The following NRXN1 variants were observed in gnomAD, a reference collection of about 807,000 sequenced individuals.
The protein encoded by NRXN1 is neurexin 1.
In NRXN1, 39 loss-of-function variants were observed where a neutral mutation model predicts 150.9. The observed-to-expected ratio is 0.26, with a 90% confidence interval of 0.20 to 0.34. NRXN1 has a LOEUF of 0.34. Ranked by LOEUF, NRXN1 falls within the 10% of genes least tolerant of loss-of-function variation. The pLI is 1.00. For missense variants in NRXN1, 1,815 were observed against 1,949.9 expected (o/e 0.93, Z 1.30); for synonymous variants, 924 against 757.0 (o/e 1.22, Z -3.62).
At chr2:50,711,184 A>C (rs1012057711) in intron 5 of NRXN1, among the ~76,000 whole-genome samples, 1 of 152,138 alleles carries the variant, frequency 6.6e-6, no homozygotes, top group Non-Finnish European at 1.5e-5. Flanking sequence ...AGTGGCTGTC[A>C]GTTTTGGTAA....
At chr2:50,313,604 A>G (rs1200343377) in intron 17 of NRXN1, among the ~76,000 whole-genome samples, 1 of 152,116 alleles carries the variant, frequency 6.6e-6, no homozygotes, top group Non-Finnish European at 1.5e-5. Context: ...ACAGGAACCG[A>G]AGACTTAAGC....
chr2:50,829,843 T>C (rs1290271953), intron 5 of NRXN1, among the ~76,000 whole-genome samples: 1 of 151,878 alleles, frequency 6.6e-6, no homozygotes, highest in Non-Finnish European at 1.5e-5. Context: ...TTTCACAGAT[T>C]ATTTTATTTT....
At chr2:50,371,614 T>G (rs912601484) in intron 17 of NRXN1, among the ~76,000 whole-genome samples, 3 of 151,938 alleles carry the variant, frequency 2.0e-5, no homozygotes, top group Admixed American at 6.6e-5. Context: ...ACGAATAAGT[T>G]TCAAGGGAAG....
At chr2:50,660,665 A>G (rs757172818) in intron 5 of NRXN1, among the ~76,000 whole-genome samples, 10 of 152,038 alleles carry the variant, frequency 6.6e-5, no homozygotes, top group Non-Finnish European at 1.2e-4. Flanking sequence ...CTGCTGGTTT[A>G]CAGCAATGTG....
intron 22 of NRXN1, among the ~76,000 whole-genome samples, chr2:49,923,472 T>C (rs767167703): frequency 7.9e-5 from 12 of 152,210 alleles, no homozygotes; most frequent in Non-Finnish European, 1.2e-4. Flanking sequence ...AATAATCTCA[T>C]GATTCCATAT....
chr2:50,998,436 T>G (rs1431989166), intron 2 of NRXN1, among the ~76,000 whole-genome samples: 1 of 152,066 alleles, frequency 6.6e-6, no homozygotes, highest in African/African-American at 2.4e-5. Flanking sequence ...TTAATGGAAG[T>G]GCCAAAATGA....
At chr2:50,047,465 T>G (rs1691992886) in intron 21 of NRXN1, among the ~76,000 whole-genome samples, 1 of 152,062 alleles carries the variant, frequency 6.6e-6, no homozygotes, top group Admixed American at 6.6e-5. Flanking sequence ...GCAGGTAAAG[T>G]ATATCTTGGT....
intron 17 of NRXN1, among the ~76,000 whole-genome samples, chr2:50,351,082 G>T (rs374764927): frequency 6.6e-6 from 1 of 152,212 alleles, no homozygotes; most frequent in Non-Finnish European, 1.5e-5. Context: ...AATAAAGCTT[G>T]TGTGTACCCA....
chr2:50,622,103 A>G (rs1680130862), intron 6 of NRXN1, among the ~76,000 whole-genome samples: 1 of 152,162 alleles, frequency 6.6e-6, no homozygotes, highest in African/African-American at 2.4e-5. Context: ...TCCATGGTCT[A>G]CAGTTATACT....
At position 50,860,258 on chromosome 2, in the gene NRXN1, G is replaced by GA. The variant is rs370246861; in HGVS notation, c.832+61610dup. On this transcript the variant is annotated intron_variant, in intron 5 of 22. Transcript: ENST00000401669. ...TGACATAAACAAGATAACAACATCAGAAAAAAAAAAAATTGTGAGGTATGT... is the reference window on the plus strand; with the variant it reads ...TGACATAAACAAGATAACAACATCAGAAAAAAAAAAAAATTGTGAGGTATGT... Among the ~76,000 whole-genome samples, 1,231 of 141,434 alleles carry GA rather than the reference G, an allele frequency of 8.7e-3. 19 individuals carry two copies. Among genetic ancestry groups the GA allele is most frequent in the African/African-American group, 0.029 (1,118 of 38,928 alleles). The allele number at this position is 141,434 out of a possible 152,430, so 92.8% of individuals were successfully genotyped here.
chr2:50,243,970 C>A (rs1574700593), intron 17 of NRXN1, among the ~76,000 whole-genome samples: 1 of 151,954 alleles, frequency 6.6e-6, no homozygotes, highest in East Asian at 1.9e-4. Flanking sequence ...TCATTTCTCT[C>A]AAATATAATT....
At chr2:50,967,775 G>C (rs1056456397) in intron 2 of NRXN1, among the ~76,000 whole-genome samples, 1 of 151,690 alleles carries the variant, frequency 6.6e-6, no homozygotes, top group African/African-American at 2.4e-5. Context: ...ACCTCCTCTG[G>C]GCCAGAGGAG....
intron 22 of NRXN1, among the ~76,000 whole-genome samples, chr2:49,932,154 G>T (rs1248445596): frequency 6.6e-6 from 1 of 152,140 alleles, no homozygotes; most frequent in Admixed American, 6.5e-5. Flanking sequence ...GGTAATTCAT[G>T]CCTGTAATCC....
intron 8 of NRXN1, among the ~76,000 whole-genome samples, chr2:50,584,311 A>G (rs1672757458): frequency 6.6e-6 from 1 of 152,144 alleles, no homozygotes; most frequent in South Asian, 2.1e-4. Context: ...TCAATATGCT[A>G]AGTTGTTTGT....
chr2:50,304,141 T>G (rs944508370), intron 17 of NRXN1, among the ~76,000 whole-genome samples: 4 of 152,190 alleles, frequency 2.6e-5, no homozygotes, highest in African/African-American at 9.6e-5. Flanking sequence ...ACACTCATCA[T>G]AACAACAGAA....
intron 5 of NRXN1, among the ~76,000 whole-genome samples, chr2:50,898,817 G>GT (rs1006915788): frequency 4.0e-5 from 6 of 151,762 alleles, no homozygotes; most frequent in African/African-American, 1.2e-4. Flanking sequence ...ATTTAGTTGG[G>GT]TTTTTTTAAC....
intron 21 of NRXN1, among the ~76,000 whole-genome samples, chr2:49,944,111 T>C (rs756162616): frequency 2.0e-5 from 3 of 152,186 alleles, no homozygotes; most frequent in East Asian, 1.9e-4. Flanking sequence ...AACAGATGAT[T>C]TGAAATTTAT....
At chr2:50,457,302 G>A (rs114912251) in intron 17 of NRXN1, among the ~76,000 whole-genome samples, 4,308 of 152,172 alleles carry the variant, frequency 0.028, 137 homozygotes, top group African/African-American at 0.079. Flanking sequence ...CAGTGTTAAA[G>A]TGCACTTATT....
At chr2:50,242,130 C>A (rs1202818464) in intron 17 of NRXN1, among the ~76,000 whole-genome samples, 10 of 151,726 alleles carry the variant, frequency 6.6e-5, no homozygotes, top group Non-Finnish European at 1.2e-4. Flanking sequence ...TATAACACTT[C>A]CTTCAGTGAA....
Sources: allele counts gnomAD v4.1 joint callset (sites outside exome capture counted in the v4.1 genomes callset), GRCh38; gene constraint gnomAD v4.1.1; transcripts MANE v1.5; gene names NCBI Gene and HGNC (gene_info 2026-07-23, HGNC 2026-07-21).